Variants in BCAT1 observed in about 807,000 individuals in gnomAD.
The protein encoded by BCAT1 is branched chain amino acid transaminase 1, also known as branched-chain-amino-acid aminotransferase, cytosolic.
In BCAT1, 48 loss-of-function variants were observed where a neutral mutation model predicts 52.4. That is an observed-to-expected ratio of 0.92 (90% CI 0.73 to 1.16). BCAT1 has a LOEUF of 1.16. Among genes scored for constraint, BCAT1 ranks in the 50% most tolerant of loss-of-function variants. The pLI is 0.00. For missense variants in BCAT1, 451 were observed against 457.1 expected (o/e 0.99, Z 0.12); for synonymous variants, 167 against 161.3 (o/e 1.04, Z -0.27).
intron 9 of BCAT1, among the ~76,000 whole-genome samples, chr12:24,831,443 G>C (rs537687782): frequency 6.6e-6 from 1 of 152,090 alleles, no homozygotes; most frequent in Non-Finnish European, 1.5e-5. Flanking sequence ...GAACTCAAGA[G>C]TTTGAGACCA....
intron 10 of BCAT1, among the ~76,000 whole-genome samples, chr12:24,827,061 G>A (rs1049860512): frequency 1.3e-5 from 2 of 152,120 alleles, no homozygotes; most frequent in African/African-American, 4.8e-5. Context: ...TTTTCTAGGT[G>A]TAAGATAATG....
chr12:24,938,858 C>T (rs1342593807), intron 1 of BCAT1, among the ~76,000 whole-genome samples: 1 of 140,848 alleles, frequency 7.1e-6, no homozygotes, highest in African/African-American at 2.6e-5. Context: ...CACATTATTG[C>T]CTTTGCTATT....
Position 24,853,207 on chromosome 12 carries a change from T to A in BCAT1, c.511-3258A>T, listed in dbSNP as rs1288601270. On this transcript the variant is annotated intron_variant, in intron 5 of 10. Transcript: ENST00000261192. ...GACATGGAATCAACCCAGGTGACCA[T>A]CAATGGTGGACTGAATAAAGAAAAT... Among the ~76,000 whole-genome samples, 3 of 152,146 alleles carry A rather than the reference T, an allele frequency of 2.0e-5. No individual in the cohort carries two copies. In the East Asian group the frequency reaches 5.8e-4, roughly 29 times the overall value.
At chr12:24,875,255 T>C (rs1428844761) in intron 5 of BCAT1, among the ~76,000 whole-genome samples, 1 of 152,184 alleles carries the variant, frequency 6.6e-6, no homozygotes. Context: ...TTGCGTAACA[T>C]CTGTAGGGGG....
intron 5 of BCAT1, among the ~76,000 whole-genome samples, chr12:24,869,264 T>G (rs1038235468): frequency 3.3e-5 from 5 of 152,014 alleles, no homozygotes; most frequent in Non-Finnish European, 5.9e-5. Context: ...CCAGAGAAAC[T>G]CCAACCGGCC....
intron 5 of BCAT1, among the ~76,000 whole-genome samples, chr12:24,858,567 G>T (rs941003388): frequency 3.3e-5 from 5 of 152,186 alleles, no homozygotes; most frequent in Admixed American, 1.3e-4. Flanking sequence ...TGTGGAGTTG[G>T]CCATGCCCCC....
intron 1 of BCAT1, among the ~76,000 whole-genome samples, chr12:24,914,353 G>C (rs1943374481): frequency 6.6e-6 from 1 of 152,156 alleles, no homozygotes; most frequent in Non-Finnish European, 1.5e-5. Context: ...AAAGTGCTGA[G>C]ATTACAGGTG....
intron 3 of BCAT1, among the ~76,000 whole-genome samples, 189 bp from the exon 4 acceptor site, chr12:24,881,600 G>A (rs887387756): frequency 6.6e-6 from 1 of 152,182 alleles, no homozygotes; most frequent in African/African-American, 2.4e-5. Context: ...GGTTGAGGTG[G>A]AGGAAAGTTA....
intron 6 of BCAT1, among the ~76,000 whole-genome samples, chr12:24,844,362 C>T (rs895664610): frequency 5.3e-5 from 8 of 151,548 alleles, no homozygotes; most frequent in East Asian, 2.0e-4. Flanking sequence ...ACTCGGGAGG[C>T]GGAGGTTGCA....
chr12:24,932,456 T>C (rs1546196), intron 1 of BCAT1, among the ~76,000 whole-genome samples: 87,142 of 152,128 alleles, frequency 0.57, 25,254 homozygotes, highest in South Asian at 0.71. Context: ...AGTATAAATT[T>C]GTACCAGCTT....
chr12:24,864,183 A>T (rs1442956548), intron 5 of BCAT1, among the ~76,000 whole-genome samples: 1 of 152,194 alleles, frequency 6.6e-6, no homozygotes, highest in Non-Finnish European at 1.5e-5. Flanking sequence ...GTGACAAGAA[A>T]ATGCTACAGG....
At chr12:24,913,724 G>A (rs1943364354) in intron 1 of BCAT1, among the ~76,000 whole-genome samples, 1 of 152,130 alleles carries the variant, frequency 6.6e-6, no homozygotes. Flanking sequence ...GACTGAGCAG[G>A]GAAATCCAGC....
chr12:24,854,566 C>T (rs76385104), intron 5 of BCAT1, among the ~76,000 whole-genome samples: 9,148 of 152,092 alleles, frequency 0.06, 355 homozygotes, highest in Non-Finnish European at 0.08. Context: ...GTCAGGAAAG[C>T]GAGGGCACTG....
At chr12:24,944,011 G>T (rs1211224771) in intron 1 of BCAT1, among the ~76,000 whole-genome samples, 1 of 151,872 alleles carries the variant, frequency 6.6e-6, no homozygotes, top group Non-Finnish European at 1.5e-5. Context: ...AAAGTAGTTT[G>T]CATGGCATTT....
Position 24,829,844 on chromosome 12 carries a change from C to A in BCAT1, c.1098G>T (p.Leu366Phe). The change falls in exon 10 of 11, where the codon TTG (leucine) becomes TTT (phenylalanine). Residue 366 changes from leucine to phenylalanine, a missense_variant. Transcript: ENST00000261192. The part of the protein sequence containing the change: ...ENGPKLASRI[L>F]SKLTDIQYGR... ...TTACCTGGATATCAGTTAATTTGCT[C>A]AAGATGCGGCTTGCCAGCTTAGGAC... The A allele has an allele frequency of 1.2e-6, 2 of 1,611,188 alleles. No homozygotes were observed. Among genetic ancestry groups the A allele is most frequent in the Admixed American group, 1.7e-5 (1 of 59,662 alleles).
In BCAT1 at chr12:24,832,788, C is replaced by A; in HGVS notation, c.979G>T (p.Glu327Ter). 1.2e-6 allele frequency: 2 copies of A among 1,611,936 alleles called. No homozygotes were observed. The highest frequency in any genetic ancestry group is 2.2e-5 in the South Asian group (2 of 90,488). Residue 327 changes from glutamate (E) to a stop codon, truncating the protein, a stop_gained, in exon 9 of 11, where the codon GAG becomes TAG. Transcript: ENST00000261192. LOFTEE classifies it high-confidence loss of function. ...TTALEGNRVR[E>*]MFGSGTACVV... is the part of the protein sequence containing the mutation. ...CAGGCTGTACCAGAGCCAAACATCT[C>A]TCTCACTCTGTTCCCCTCCAGGGCT...
At chr12:24,900,068 T>G (rs1464980586) in intron 2 of BCAT1, among the ~76,000 whole-genome samples, 1 of 152,190 alleles carries the variant, frequency 6.6e-6, no homozygotes, top group Non-Finnish European at 1.5e-5. Context: ...GTTTTTGTTT[T>G]TGTTTTTTGA....
At chr12:24,933,109 CTTTTTTTTTTTTTTTT>C (rs57512325) in intron 1 of BCAT1, among the ~76,000 whole-genome samples, 2 of 68,578 alleles carry the variant, frequency 2.9e-5, no homozygotes, top group South Asian at 7.7e-4. Flanking sequence ...CACGCCTGGC[CTTTTTTTTTTTTTTTT>C]TTTTTTTTTT....
At chr12:24,851,420 A>C (rs1471928512) in intron 5 of BCAT1, among the ~76,000 whole-genome samples, 1 of 152,208 alleles carries the variant, frequency 6.6e-6, no homozygotes. Flanking sequence ...CTCAACACTC[A>C]GATCACCAAA....
Sources: allele counts gnomAD v4.1 joint callset (sites outside exome capture counted in the v4.1 genomes callset), GRCh38; gene constraint gnomAD v4.1.1; transcripts MANE v1.5; gene names NCBI Gene and HGNC (gene_info 2026-07-23, HGNC 2026-07-21).